The following CLASP1 variants were observed in gnomAD, a reference collection of about 807,000 sequenced individuals.
The protein encoded by CLASP1 is cytoplasmic linker associated protein 1.
Under a neutral mutation model 192.3 loss-of-function variants are expected in CLASP1, and 38 were observed. That is an observed-to-expected ratio of 0.20 (90% confidence interval 0.15 to 0.26). The LOEUF is 0.26. Among genes scored for constraint, CLASP1 ranks in the 10% least tolerant of loss-of-function variants. The probability of loss-of-function intolerance (pLI) is 1.00; values close to 1 mark genes in which losing one functional copy is unlikely to be tolerated. For synonymous variants in CLASP1, 691 were observed against 712.8 expected (o/e 0.97, Z 0.49); for missense variants, 1,433 against 1,932.5 (o/e 0.74, Z 4.85).
intron 37 of CLASP1, among the ~76,000 whole-genome samples, chr2:121,356,514 A>G (rs554210466): frequency 1.3e-5 from 2 of 152,344 alleles, no homozygotes; most frequent in East Asian, 3.9e-4. Context: ...TGGTTCTGGC[A>G]TCAACTAGCC....
chr2:121,451,719 G>A (rs1011568455), intron 15 of CLASP1, 71 bp downstream of exon 15: 4 of 1,202,126 alleles, frequency 3.3e-6, no homozygotes, highest in Non-Finnish European at 4.8e-6. Flanking sequence ...AAGCCAGCTG[G>A]ACCACTCACC....
intron 7 of CLASP1, among the ~76,000 whole-genome samples, chr2:121,508,777 G>A (rs2094022445): frequency 6.6e-6 from 1 of 152,116 alleles, no homozygotes; most frequent in Non-Finnish European, 1.5e-5. Flanking sequence ...CAAAGTGGTT[G>A]AAAAGTAAAG....
At chr2:121,399,995 G>A (rs537894551) in intron 28 of CLASP1, among the ~76,000 whole-genome samples, 110 of 152,042 alleles carry the variant, frequency 7.2e-4, no homozygotes, top group African/African-American at 2.3e-3. Context: ...GGCCACAACC[G>A]GCCCCAGTCT....
chr2:121,460,325 TTAAC>T (rs1369787497), intron 11 of CLASP1, among the ~76,000 whole-genome samples, 200 bp from the exon 12 acceptor site: 7 of 152,304 alleles, frequency 4.6e-5, no homozygotes, highest in African/African-American at 1.2e-4. Context: ...TAAATAATTT[TTAAC>T]TAGAGTATTT....
At chr2:121,386,469 A>C (rs779070161) in intron 32 of CLASP1, among the ~76,000 whole-genome samples, 19 of 152,236 alleles carry the variant, frequency 1.2e-4, no homozygotes, top group Admixed American at 6.5e-5. Context: ...GGGTCACTAA[A>C]GCCACCATGC....
At position 121,411,717 on chromosome 2, in the gene CLASP1, A is replaced by G. The variant is rs114226662; in HGVS notation, c.2321-748T>C. Among the ~76,000 whole-genome samples the G allele has an allele frequency of 2.4e-3, 359 of 152,312 alleles. 1 individual carries two copies. Among genetic ancestry groups the G allele is most frequent in the Admixed American group, 5.2e-3 (80 of 15,298 alleles). On this transcript the variant is annotated intron_variant, in intron 23 of 39. Transcript: ENST00000263710. ...TTTAGTAGTTCAAACAAGTATTTTA[A>G]GCTTACTTGTGATCATGGAAATGAA...
At chr2:121,389,423 A>G (rs1404882816) in intron 30 of CLASP1, among the ~76,000 whole-genome samples, 1 of 152,110 alleles carries the variant, frequency 6.6e-6, no homozygotes, top group Non-Finnish European at 1.5e-5. Flanking sequence ...ATAACAGAAC[A>G]ATTTCCAAAA....
intron 1 of CLASP1, among the ~76,000 whole-genome samples, chr2:121,644,855 G>A (rs1258825810): frequency 6.6e-6 from 1 of 151,848 alleles, no homozygotes; most frequent in Non-Finnish European, 1.5e-5. Flanking sequence ...CTACTCAAAA[G>A]GCTGAAGCAG....
At chr2:121,536,578 C>G (rs74722764) in intron 2 of CLASP1, among the ~76,000 whole-genome samples, 5,732 of 152,038 alleles carry the variant, frequency 0.038, 377 homozygotes, top group African/African-American at 0.13. Context: ...AATGGATATA[C>G]AAAATGGAGT....
intron 2 of CLASP1, among the ~76,000 whole-genome samples, chr2:121,591,340 C>A (rs551539506): frequency 7.2e-5 from 11 of 152,218 alleles, no homozygotes; most frequent in Admixed American, 7.2e-4. Context: ...TATATATGCA[C>A]ACTAATACCA....
exon 15 of CLASP1, chr2:121,451,844 C>T: frequency 6.4e-7 from 1 of 1,563,900 alleles, no homozygotes; most frequent in Non-Finnish European, 8.7e-7. Flanking sequence ...AAATTCAAAA[C>T]AGCGCCTAAA....
intron 8 of CLASP1, among the ~76,000 whole-genome samples, chr2:121,478,971 AC>A (rs2092297110): frequency 2.7e-5 from 1 of 37,610 alleles, no homozygotes; most frequent in African/African-American, 1.3e-4. Context: ...CACCACACAC[AC>A]CACACACACA....
chr2:121,480,328 C>T (rs1012292848), intron 8 of CLASP1, among the ~76,000 whole-genome samples: 2 of 152,230 alleles, frequency 1.3e-5, no homozygotes, highest in African/African-American at 4.8e-5. Context: ...GCTCAAAGTT[C>T]ACACTGGGTA....
At chr2:121,587,083 A>C (rs1178776025) in intron 2 of CLASP1, among the ~76,000 whole-genome samples, 3 of 152,082 alleles carry the variant, frequency 2.0e-5, no homozygotes, top group African/African-American at 7.2e-5. Flanking sequence ...TCAACTAAAA[A>C]TATAAAAATT....
intron 6 of CLASP1, among the ~76,000 whole-genome samples, chr2:121,524,349 A>C (rs921845720): frequency 2.0e-5 from 3 of 152,252 alleles, no homozygotes; most frequent in Non-Finnish European, 4.4e-5. Flanking sequence ...TTGGTAACTT[A>C]GAATCTTTTT....
intron 19 of CLASP1, among the ~76,000 whole-genome samples, chr2:121,435,871 T>C (rs1363031496): frequency 2.6e-5 from 4 of 152,198 alleles, no homozygotes; most frequent in Admixed American, 1.3e-4. Flanking sequence ...TACAAAGCTA[T>C]AGTATAAAAT....
At chr2:121,441,631 C>G (rs569104581) in intron 19 of CLASP1, among the ~76,000 whole-genome samples, 1 of 152,030 alleles carries the variant, frequency 6.6e-6, no homozygotes, top group African/African-American at 2.4e-5. Context: ...CTCTGACAGA[C>G]AGGGTGGGGA....
At chr2:121,360,321 A>C (rs2066138392) in intron 37 of CLASP1, among the ~76,000 whole-genome samples, 1 of 152,254 alleles carries the variant, frequency 6.6e-6, no homozygotes, top group South Asian at 2.1e-4. Flanking sequence ...GGAAGTATTA[A>C]TAAGACAGGA....
At chr2:121,619,206 T>C (rs2106084083) in intron 1 of CLASP1, among the ~76,000 whole-genome samples, 1 of 152,360 alleles carries the variant, frequency 6.6e-6, no homozygotes. Flanking sequence ...GCAGGTCACC[T>C]GAACAACAAA....
Sources: allele counts gnomAD v4.1 joint callset (sites outside exome capture counted in the v4.1 genomes callset), GRCh38; gene constraint gnomAD v4.1.1; transcripts MANE v1.5; gene names NCBI Gene and HGNC (gene_info 2026-07-23, HGNC 2026-07-21).